The following CDK8 variants were observed in gnomAD, a reference collection of about 807,000 sequenced individuals.
The protein encoded by CDK8 is cyclin-dependent kinase 8.
Under a neutral mutation model 71.5 loss-of-function variants are expected in CDK8, and 29 were observed. The ratio of observed to expected loss-of-function variants is 0.41; its 90% CI spans 0.30 to 0.55. The LOEUF (loss-of-function observed/expected upper bound fraction) is 0.55, where lower values mean the gene tolerates loss of function less well. Among genes scored for constraint, CDK8 ranks in the 20% least tolerant of loss-of-function variants. CDK8 has a pLI of 0.37. For synonymous variants in CDK8, 161 were observed against 192.1 expected, an observed-to-expected ratio of 0.84 and a Z score of 1.34; for missense variants, 288 against 572.6, an observed-to-expected ratio of 0.50 and a Z score of 5.07.
chr13:26,332,417 G>A (rs1477208712), intron 1 of CDK8, among the ~76,000 whole-genome samples: 2 of 151,888 alleles, frequency 1.3e-5, no homozygotes, highest in Middle Eastern at 3.4e-3. Flanking sequence ...CCCAGGAGGC[G>A]GAGGCTGCAG....
intron 1 of CDK8, among the ~76,000 whole-genome samples, chr13:26,266,295 TA>T (rs1326870928): frequency 2.0e-5 from 3 of 152,212 alleles, no homozygotes; most frequent in Non-Finnish European, 4.4e-5. Context: ...TTAAAGTACT[TA>T]AAGTGGTAGC....
intron 1 of CDK8, among the ~76,000 whole-genome samples, chr13:26,270,613 T>G (rs1872272123): frequency 1.3e-5 from 2 of 152,198 alleles, no homozygotes; most frequent in African/African-American, 4.8e-5. Flanking sequence ...TTTGGACATT[T>G]CATATAAATG....
chr13:26,294,128 G>A (rs9581625), intron 1 of CDK8, among the ~76,000 whole-genome samples: 1,330 of 67,358 alleles, frequency 0.02, 17 homozygotes, highest in African/African-American at 0.067. Context: ...ATAATATTCT[G>A]CACCTTTTTT....
chr13:26,293,558 T>C (rs1873400372), intron 1 of CDK8, among the ~76,000 whole-genome samples: 1 of 145,980 alleles, frequency 6.9e-6, no homozygotes, highest in African/African-American at 2.6e-5. Flanking sequence ...TGAGCCGAGA[T>C]TGCATCACTG....
chr13:26,334,553 C>T (rs1024633181), intron 1 of CDK8, among the ~76,000 whole-genome samples: 1 of 151,956 alleles, frequency 6.6e-6, no homozygotes, highest in Admixed American at 6.6e-5. Context: ...TGGTGCTTTA[C>T]TAGATATATG....
Position 26,397,192 on chromosome 13 carries a change from T to C in CDK8, c.900T>C (p.His300=). Residue 300 remains histidine, a synonymous_variant, in exon 9 of 13, where the codon CAT becomes CAC. Coordinates refer to ENST00000381527, the MANE Select transcript of CDK8 (RefSeq NM_001260.3). Reference sequence around the variant, plus strand: ...GCCTTATCAAGTATATGGAAAAACATAAAGTTAAACCAGATAGTAAAGCAT... The same window carrying C: ...GCCTTATCAAGTATATGGAAAAACACAAAGTTAAACCAGATAGTAAAGCAT... The part of the protein sequence containing the change: ...NCSLIKYMEK[H]KVKPDSKAFH... 6.3e-7 allele frequency: 1 copy of C among 1,597,180 alleles called. No individual in the cohort carries two copies. The highest frequency in any genetic ancestry group is 8.6e-7 in the Non-Finnish European group (1 of 1,166,926).
intron 4 of CDK8, among the ~76,000 whole-genome samples, chr13:26,355,884 T>C (rs1873875848): frequency 6.6e-6 from 1 of 152,160 alleles, no homozygotes; most frequent in Non-Finnish European, 1.5e-5. Context: ...GAAATACATA[T>C]GTATATTAGG....
In CDK8 at chr13:26,404,070, C is replaced by A; in HGVS notation, c.1384C>A (p.His462Asn). Residue 462 changes from histidine (H) to asparagine (N), a missense_variant, in exon 13 of 13, where the codon CAT (histidine) becomes AAT (asparagine). His to Asn is a moderately conservative substitution (Grantham distance 68). Transcript: ENST00000381527. ...GCCTCCACAGTACTCACATCAGACACATCGGTACTGAGCTGCATCGGAATC... is the reference window on the plus strand; with the variant it reads ...GCCTCCACAGTACTCACATCAGACAAATCGGTACTGAGCTGCATCGGAATC... ...QQPPQYSHQT[H>N]RY 1.2e-6 allele frequency: 2 copies of A among 1,614,028 alleles called. No individual in the cohort carries two copies. Among genetic ancestry groups the A allele is most frequent in the Non-Finnish European group, 1.7e-6 (2 of 1,179,970 alleles).
chr13:26,273,891 G>A (rs576785862), intron 1 of CDK8, among the ~76,000 whole-genome samples: 1 of 152,116 alleles, frequency 6.6e-6, no homozygotes, highest in African/African-American at 2.4e-5. Context: ...CTTTTTTAAG[G>A]CATGTTTTAA....
At chr13:26,386,803 A>C (rs1875499585) in intron 6 of CDK8, among the ~76,000 whole-genome samples, 2 of 152,178 alleles carry the variant, frequency 1.3e-5, no homozygotes, top group South Asian at 4.1e-4. Context: ...AATATTGCTA[A>C]TGAAGTCTCC....
At chr13:26,338,596 AAGAATAGGGGTGAGATGG>A (rs1204391821) in intron 2 of CDK8, among the ~76,000 whole-genome samples, 3 of 152,120 alleles carry the variant, frequency 2.0e-5, no homozygotes, top group Admixed American at 1.3e-4. Context: ...TTCATGAGGG[AAGAATAGGGGTGAGATGG>A]AGGATATTGT....
At chr13:26,270,803 A>G (rs1872281302) in intron 1 of CDK8, among the ~76,000 whole-genome samples, 1 of 152,160 alleles carries the variant, frequency 6.6e-6, no homozygotes, top group African/African-American at 2.4e-5. Context: ...TGGGTATACA[A>G]CTATCTGAGT....
intron 1 of CDK8, among the ~76,000 whole-genome samples, chr13:26,292,858 T>C (rs1218791897): frequency 6.6e-6 from 1 of 152,238 alleles, no homozygotes; most frequent in Non-Finnish European, 1.5e-5. Flanking sequence ...GTATAACTTG[T>C]TTGTCTTCTA....
chr13:26,382,477 G>A (rs1337617374), intron 4 of CDK8, among the ~76,000 whole-genome samples: 1 of 151,996 alleles, frequency 6.6e-6, no homozygotes, highest in Admixed American at 6.6e-5. Context: ...TTCCTTTAAA[G>A]TCAGAGCAAG....
At chr13:26,319,257 C>T (rs1470651591) in intron 1 of CDK8, among the ~76,000 whole-genome samples, 1 of 152,094 alleles carries the variant, frequency 6.6e-6, no homozygotes, top group African/African-American at 2.4e-5. Context: ...CACCTGAGAT[C>T]TGGAATTCGA....
At chr13:26,396,202 T>A (rs1875984330) in intron 7 of CDK8, 83 bp from the exon 8 acceptor site, 3 of 524,310 alleles carry the variant, frequency 5.7e-6, no homozygotes, top group Non-Finnish European at 6.8e-6. Context: ...ATAGGAAATG[T>A]AATGAACGTG....
intron 6 of CDK8, among the ~76,000 whole-genome samples, chr13:26,391,937 GT>G (rs1203683420): frequency 2.0e-5 from 3 of 152,040 alleles, no homozygotes; most frequent in Non-Finnish European, 4.4e-5. Flanking sequence ...CTCATTTTAG[GT>G]TTTTTCTTAT....
chr13:26,323,668 A>G (rs776217395), intron 1 of CDK8, among the ~76,000 whole-genome samples: 10 of 152,068 alleles, frequency 6.6e-5, no homozygotes, highest in Non-Finnish European at 1.3e-4. Flanking sequence ...GTCCATGAAA[A>G]TATAGTTTTG....
At chr13:26,389,595 G>A (rs1038240201) in intron 6 of CDK8, among the ~76,000 whole-genome samples, 23 of 152,154 alleles carry the variant, frequency 1.5e-4, no homozygotes, top group South Asian at 2.1e-4. Flanking sequence ...AACCCACACC[G>A]TCGTCTGGTG....
Sources: gnomAD v4.1 joint callset for allele counts (sites outside exome capture counted in the v4.1 genomes callset) on GRCh38, gnomAD v4.1.1 for gene constraint, MANE v1.5 for transcripts, NCBI Gene and HGNC (gene_info 2026-07-23, HGNC 2026-07-21) for gene names.